The following DAPK2 variants were observed in gnomAD, a reference collection of about 807,000 sequenced individuals.
The protein encoded by DAPK2 is death associated protein kinase 2, also known as death-associated protein kinase 2.
In DAPK2, 35 loss-of-function variants were observed where a neutral mutation model predicts 44.1. The observed-to-expected ratio is 0.79, with a 90% CI of 0.61 to 1.05. DAPK2 has a LOEUF of 1.05. Among genes scored for constraint, DAPK2 ranks in the 50% least tolerant of loss-of-function variants. DAPK2 has a pLI of 0.00. For synonymous variants in DAPK2, 174 were observed against 182.6 expected (o/e 0.95, Z 0.38); for missense variants, 453 against 483.2 (o/e 0.94, Z 0.59).
chr15:64,039,876 G>A (rs371693157), intron 1 of DAPK2, among the ~76,000 whole-genome samples: 26 of 152,304 alleles, frequency 1.7e-4, no homozygotes, highest in Admixed American at 4.6e-4. Flanking sequence ...GCCTGGGGAA[G>A]CTTTATGAAA....
rs139077929 is a variant in DAPK2, at chr15:64,039,707, T to C, written c.92+463A>G. Among the ~76,000 whole-genome samples, 318 of 152,314 alleles carry C rather than the reference T, an allele frequency of 2.1e-3. 6 individuals are homozygous for C. Among genetic ancestry groups the C allele is most frequent in the African/African-American group, 7.2e-3 (298 of 41,570 alleles). On this transcript the variant is annotated intron_variant, in intron 1 of 10. Coordinates refer to ENST00000261891, the Ensembl canonical transcript of DAPK2. ...TAACAAAGATCCCAGGAAAACTTCA[T>C]GATGGGGCTCGTGTGGCTGGTTACT...
intron 1 of DAPK2, among the ~76,000 whole-genome samples, chr15:64,003,499 T>G (rs1451762675): frequency 1.3e-5 from 2 of 152,238 alleles, no homozygotes; most frequent in African/African-American, 4.8e-5. Flanking sequence ...TGCTGACCCA[T>G]GGTGGCATTA....
At chr15:63,969,456 T>C (rs917653628) in intron 3 of DAPK2, among the ~76,000 whole-genome samples, 1 of 147,010 alleles carries the variant, frequency 6.8e-6, no homozygotes, top group Admixed American at 6.7e-5. Context: ...CTGACAATCA[T>C]GGCCAGACGC....
intron 1 of DAPK2, among the ~76,000 whole-genome samples, chr15:64,030,566 A>C (rs1475441883): frequency 1.3e-5 from 2 of 151,978 alleles, no homozygotes; most frequent in Admixed American, 1.3e-4. Context: ...GAGAATGGAT[A>C]TATCTGCCCT....
At chr15:64,038,404 G>A (rs557503764) in intron 1 of DAPK2, among the ~76,000 whole-genome samples, 62 of 152,324 alleles carry the variant, frequency 4.1e-4, no homozygotes, top group African/African-American at 1.5e-3. Context: ...GTGCCACCAA[G>A]GGCAGGAGAA....
At position 63,999,910 on chromosome 15, in the gene DAPK2, C is replaced by A. The variant is rs189718730; in HGVS notation, c.93-16156G>T. On this transcript the variant is annotated intron_variant, in intron 1 of 10. Coordinates refer to ENST00000261891, the Ensembl canonical transcript of DAPK2. ...CCTCCTGAGTAGGTAAAACCACAGT[C>A]ATGCAACCACTATGCCTGGCTAATT... is the stretch of plus-strand genomic sequence containing the variant. 9.2e-5 allele frequency among the ~76,000 whole-genome samples: 14 copies of A among 152,020 alleles called. No individual in the cohort carries two copies. In the East Asian group the frequency reaches 2.7e-3, roughly 29 times the overall value.
intron 2 of DAPK2, among the ~76,000 whole-genome samples, chr15:63,973,825 A>G (rs1229817328): frequency 6.6e-6 from 1 of 152,198 alleles, no homozygotes; most frequent in Non-Finnish European, 1.5e-5. Context: ...CAGAAACTAA[A>G]GACCTAGGTT....
At position 64,020,197 on chromosome 15, in the gene DAPK2, G is replaced by A. The variant is rs2079645329; in HGVS notation, c.92+19973C>T. Among the ~76,000 whole-genome samples, 1 of 152,196 alleles carries A rather than the reference G, an allele frequency of 6.6e-6. No homozygotes were observed. Among genetic ancestry groups the A allele is most frequent in the African/African-American group, 2.4e-5 (1 of 41,444 alleles). On this transcript the variant is annotated intron_variant, in intron 1 of 10. Transcript: ENST00000261891. The surrounding 1 kb of genome is among the most constrained non-coding windows in gnomAD (Gnocchi z 4.5). Reference sequence around the variant, plus strand: ...AGAAGGCACTTATATGCTAGAGATGGGGGAAAGGAAACTGAGGACTTGCCT... The same window carrying A: ...AGAAGGCACTTATATGCTAGAGATGAGGGAAAGGAAACTGAGGACTTGCCT...
intron 1 of DAPK2, among the ~76,000 whole-genome samples, chr15:64,034,565 T>C (rs1456806344): frequency 1.3e-5 from 2 of 152,156 alleles, no homozygotes; most frequent in Non-Finnish European, 2.9e-5. Flanking sequence ...GCAGAGGTGA[T>C]ATGTGGAGTA....
chr15:63,953,297 A>G (rs1309537157), intron 3 of DAPK2, among the ~76,000 whole-genome samples: 2 of 152,164 alleles, frequency 1.3e-5, no homozygotes, highest in African/African-American at 4.8e-5. Flanking sequence ...AGTTCTGGCA[A>G]CCATTTTTCT....
At chr15:64,018,695 C>T (rs1050470902) in intron 1 of DAPK2, among the ~76,000 whole-genome samples, 1 of 152,228 alleles carries the variant, frequency 6.6e-6, no homozygotes, top group African/African-American at 2.4e-5. Context: ...CAGGATCCTA[C>T]CTGTAGCTAC....
rs1421716388 is a variant in DAPK2, at chr15:63,926,157, C to T, written c.660-64G>A. The T allele has an allele frequency of 2.6e-6, 4 of 1,540,564 alleles. No individual in the cohort carries two copies. The African/African-American group carries it at 5.5e-5, about 21-fold the overall frequency. On this transcript the variant is annotated intron_variant, in intron 6 of 10. Coordinates refer to ENST00000261891, the Ensembl canonical transcript of DAPK2. ...AGTAGGTGGAAATGGGGATTACGGA[C>T]TCGGGGAACCCTGCCCCATGACTGC...
intron 10 of DAPK2, chr15:63,909,801 CAA>C (rs5813259): frequency 3.0e-4 from 44 of 146,616 alleles, no homozygotes; most frequent in Middle Eastern, 3.4e-3. Flanking sequence ...GACTCTGTCT[CAA>C]AAAAAAAAAA....
chr15:63,974,507 A>G (rs73454894), intron 2 of DAPK2, among the ~76,000 whole-genome samples: 2,023 of 152,272 alleles, frequency 0.013, 37 homozygotes, highest in African/African-American at 0.046. Flanking sequence ...CTGATTGGCA[A>G]TTGGTTATTA....
chr15:64,040,305 C>G (rs1050729621), upstream of DAPK2: 3 of 1,510,394 alleles, frequency 2.0e-6, no homozygotes, highest in African/African-American at 4.1e-5. Flanking sequence ...GACAGCCATC[C>G]AAATTAGCAC....
chr15:64,002,943 TG>T (rs2079122950), intron 1 of DAPK2, among the ~76,000 whole-genome samples: 1 of 132,614 alleles, frequency 7.5e-6, no homozygotes, highest in Non-Finnish European at 1.6e-5. Flanking sequence ...TGTGTGTGTG[TG>T]TGTGTGTGTG....
chr15:64,026,504 A>G (rs2079850999), intron 1 of DAPK2, among the ~76,000 whole-genome samples: 1 of 152,060 alleles, frequency 6.6e-6, no homozygotes, highest in African/African-American at 2.4e-5. Flanking sequence ...TCCACCTCCC[A>G]AAGTGCTGGG....
chr15:63,952,631 C>A (rs899583711), intron 3 of DAPK2, among the ~76,000 whole-genome samples: 1 of 135,974 alleles, frequency 7.4e-6, no homozygotes, highest in African/African-American at 2.8e-5. Context: ...TGGGCAAGAG[C>A]ATTCCATGAT....
intron 1 of DAPK2, among the ~76,000 whole-genome samples, chr15:64,021,248 C>T (rs2079673820): frequency 6.6e-6 from 1 of 152,178 alleles, no homozygotes; most frequent in Admixed American, 6.5e-5. Flanking sequence ...CTCACGTCAG[C>T]ACAGGATGAT....
Sources: gnomAD v4.1 joint callset for allele counts (sites outside exome capture counted in the v4.1 genomes callset) on GRCh38, gnomAD v4.1.1 for gene constraint, Gnocchi (gnomAD v3.1) non-coding constraint, MANE v1.5 for transcripts, NCBI Gene and HGNC (gene_info 2026-07-23, HGNC 2026-07-21) for gene names.